CADM2: variants seen among roughly 807,000 people sequenced by gnomAD.
CADM2 encodes cell adhesion molecule 2, also known as immunoglobulin superfamily member 4D.
CADM2 carries 12 observed loss-of-function variants against 49.8 expected under a neutral mutation model. The ratio of observed to expected loss-of-function variants is 0.24; its 90% confidence interval spans 0.15 to 0.39. The LOEUF (loss-of-function observed/expected upper bound fraction) is 0.39. CADM2 is among the 10% of genes least tolerant of loss of function. The pLI, the probability that CADM2 is intolerant of heterozygous loss-of-function variation, is 1.00. For synonymous variants in CADM2, 214 were observed against 175.4 expected (o/e 1.22, Z -1.74); for missense variants, 378 against 492.3 (o/e 0.77, Z 2.20).
At chr3:85,573,841 T>C (rs2062552641) in intron 1 of CADM2, among the ~76,000 whole-genome samples, 1 of 152,194 alleles carries the variant, frequency 6.6e-6, no homozygotes, top group Non-Finnish European at 1.5e-5. Context: ...CTAGTCCTTA[T>C]GACATGTCTG....
At chr3:85,799,775 A>G (rs918484411) in intron 2 of CADM2, among the ~76,000 whole-genome samples, 1 of 152,164 alleles carries the variant, frequency 6.6e-6, no homozygotes, top group African/African-American at 2.4e-5. Flanking sequence ...CCAGAGTGGC[A>G]CCTGCCAGAT....
intron 1 of CADM2, among the ~76,000 whole-genome samples, chr3:85,698,997 G>A (rs1258234673): frequency 6.6e-6 from 1 of 152,164 alleles, no homozygotes; most frequent in Non-Finnish European, 1.5e-5. Flanking sequence ...AGCTACAATG[G>A]GGTACAGGCA....
intron 2 of CADM2, among the ~76,000 whole-genome samples, chr3:85,793,082 T>C (rs1185538289): frequency 6.6e-6 from 1 of 152,114 alleles, no homozygotes; most frequent in Non-Finnish European, 1.5e-5. Flanking sequence ...TCCTAATGTA[T>C]TCAAAAAAGG....
At chr3:85,094,981 C>CTT (rs2107530807) in intron 1 of CADM2, among the ~76,000 whole-genome samples, 1 of 152,158 alleles carries the variant, frequency 6.6e-6, no homozygotes, top group African/African-American at 2.4e-5. Flanking sequence ...TATATGAATT[C>CTT]TTGACTTACT....
intron 2 of CADM2, among the ~76,000 whole-genome samples, chr3:85,754,984 G>T (rs1354399389): frequency 1.3e-5 from 2 of 152,158 alleles, no homozygotes; most frequent in African/African-American, 2.4e-5. Flanking sequence ...CTTTTCAGTT[G>T]CAAGTTACAG....
chr3:85,894,617 C>T (rs1036553478), intron 5 of CADM2, among the ~76,000 whole-genome samples: 23 of 152,240 alleles, frequency 1.5e-4, no homozygotes, highest in Non-Finnish European at 3.2e-4. Context: ...ATGTCAGAGA[C>T]CTTCAGGGCA....
In CADM2 at chr3:85,772,883, GTTT is replaced by G. The variant is rs11326310; in HGVS notation, c.89-29153_89-29151del. Among the ~76,000 whole-genome samples, 22 of 140,592 alleles carry G rather than the reference GTTT, an allele frequency of 1.6e-4. 1 individual carries two copies. The highest frequency in any genetic ancestry group is 2.9e-4 in the Non-Finnish European group (19 of 64,572). The allele number at this position is 140,592 out of a possible 152,430, so 92.2% of individuals were successfully genotyped here. On this transcript the variant is annotated intron_variant, in intron 2 of 9. Coordinates refer to ENST00000383699, the MANE Select transcript of CADM2 (RefSeq NM_001167675.2). ...TCCTTTTTGTCTGCTTTCATTTCCA[GTTT>G]TTTTTTTTTTCTTTTCCTCATCCAT...
chr3:85,245,380 CG>C (rs1395331782), intron 1 of CADM2, among the ~76,000 whole-genome samples: 1 of 151,776 alleles, frequency 6.6e-6, no homozygotes, highest in African/African-American at 2.4e-5. Flanking sequence ...GGTGTGGTGA[CG>C]GGCGCCTGTA....
At chr3:85,410,589 A>C (rs1366175321) in intron 1 of CADM2, among the ~76,000 whole-genome samples, 1 of 152,192 alleles carries the variant, frequency 6.6e-6, no homozygotes, top group Admixed American at 6.6e-5. Flanking sequence ...AATTGGATTA[A>C]ACAAGCTAGT....
intron 8 of CADM2, among the ~76,000 whole-genome samples, chr3:86,006,898 A>G (rs1404715829): frequency 6.6e-6 from 1 of 151,932 alleles, no homozygotes; most frequent in Non-Finnish European, 1.5e-5. Context: ...AAAATTAGCT[A>G]GGCATGGTGA....
Position 85,544,083 on chromosome 3 carries a change from A to G in CADM2, c.62-182439A>G, listed in dbSNP as rs181213906. On this transcript the variant is annotated intron_variant, in intron 1 of 9. Transcript: ENST00000383699. Reference sequence around the variant, plus strand: ...AAGAGAAAAAATTAAATGATTAATAATAAAACACAATTTTTAAGAAAAAAC... The same window carrying G: ...AAGAGAAAAAATTAAATGATTAATAGTAAAACACAATTTTTAAGAAAAAAC... 2.2e-4 allele frequency among the ~76,000 whole-genome samples: 34 copies of G among 152,348 alleles called. No homozygotes were observed. In the East Asian group the frequency reaches 6.4e-3, roughly 29 times the overall value.
chr3:85,939,662 A>G (rs1472595155), intron 7 of CADM2, among the ~76,000 whole-genome samples: 7 of 151,788 alleles, frequency 4.6e-5, no homozygotes, highest in African/African-American at 9.7e-5. Flanking sequence ...AGTGAGATAA[A>G]TATGTATTTG....
At chr3:85,225,473 G>A (rs2042137718) in intron 1 of CADM2, among the ~76,000 whole-genome samples, 1 of 152,174 alleles carries the variant, frequency 6.6e-6, no homozygotes, top group South Asian at 2.1e-4. Flanking sequence ...TGTTGCTGAA[G>A]TTGCTTATTG....
chr3:85,216,442 A>G (rs1471018844), intron 1 of CADM2, among the ~76,000 whole-genome samples: 1 of 150,922 alleles, frequency 6.6e-6, no homozygotes, highest in Non-Finnish European at 1.5e-5. Flanking sequence ...TAAGGCACTC[A>G]TGCATAATTT....
At chr3:85,657,903 A>T (rs1380667848) in intron 1 of CADM2, among the ~76,000 whole-genome samples, 1 of 151,786 alleles carries the variant, frequency 6.6e-6, no homozygotes, top group Non-Finnish European at 1.5e-5. Context: ...TTAAGGTAAG[A>T]TCATACTGGA....
chr3:85,028,955 AACAG>A (rs2034857097), intron 1 of CADM2, among the ~76,000 whole-genome samples: 2 of 151,560 alleles, frequency 1.3e-5, no homozygotes, highest in African/African-American at 2.4e-5. Context: ...ACCGAAATAA[AACAG>A]TATGTGAATA....
intron 1 of CADM2, among the ~76,000 whole-genome samples, chr3:85,230,610 C>T (rs73845409): frequency 2.9e-3 from 448 of 152,176 alleles, no homozygotes; most frequent in African/African-American, 9.3e-3. Flanking sequence ...TAGAGAAGCA[C>T]CTCTATCAAA....
chr3:86,005,842 C>A (rs1730722289), intron 8 of CADM2, among the ~76,000 whole-genome samples: 1 of 152,046 alleles, frequency 6.6e-6, no homozygotes, highest in African/African-American at 2.4e-5. Context: ...CCATTAACTA[C>A]CCTCACCTCC....
At chr3:84,984,247 A>G (rs1407427107) in intron 1 of CADM2, among the ~76,000 whole-genome samples, 1 of 151,106 alleles carries the variant, frequency 6.6e-6, no homozygotes, top group Non-Finnish European at 1.5e-5. Context: ...TAACATGTCC[A>G]AAGACTGAAC....
Sources: gnomAD v4.1 joint callset for allele counts (sites outside exome capture counted in the v4.1 genomes callset) on GRCh38, gnomAD v4.1.1 for gene constraint, MANE v1.5 for transcripts, NCBI Gene and HGNC (gene_info 2026-07-23, HGNC 2026-07-21) for gene names.